ATF5: variants seen among roughly 807,000 people sequenced by gnomAD.
ATF5 encodes the protein activating transcription factor 5.
ATF5 carries 6 observed loss-of-function variants against 4.6 expected under a neutral mutation model. That is an observed-to-expected ratio of 1.31 (90% confidence interval 0.72 to 2.59). ATF5 has a LOEUF of 2.59. Ranked by LOEUF, ATF5 falls within the 30% of genes most tolerant of loss-of-function variation. The pLI, the probability that ATF5 is intolerant of heterozygous loss-of-function variation, is 0.00. For missense variants in ATF5, 410 were observed against 368.7 expected, an observed-to-expected ratio of 1.11 and a Z score of -0.92; for synonymous variants, 193 against 165.0, an observed-to-expected ratio of 1.17 and a Z score of -1.30.
rs529007673 is a variant in ATF5 at position 49,933,695 on chromosome 19, A to G, written c.*603A>G. On this transcript the variant is annotated 3_prime_UTR_variant, in exon 3 of 3. Coordinates refer to ENST00000423777, the MANE Select transcript of ATF5 (RefSeq NM_001193646.2). ...AAAGCAGGCTAGGTGACCTTGGGAC[A>G]CTACGCTAAGGGAGGGAGGCTAAAG... 3 of 153,406 alleles carry G rather than the reference A, an allele frequency of 2.0e-5. No homozygotes were observed. In the East Asian group the frequency reaches 5.8e-4, roughly 30 times the overall value. 9.5% of individuals were successfully genotyped at this position (153,406 alleles called of 1,614,324 possible).
At position 49,932,870 on chromosome 19, in the gene ATF5, C is replaced by T. The variant is rs771845805; in HGVS notation, c.627C>T (p.Asp209=). ...PYPHPATTRG[D]RKQKKRDQNK... is the part of the protein sequence containing the mutation. ...CACATCCTGCCACCACCCGAGGGGACCGCAAGCAAAAGAAGAGAGACCAGA... is the reference window on the plus strand; with the variant it reads ...CACATCCTGCCACCACCCGAGGGGATCGCAAGCAAAAGAAGAGAGACCAGA... Residue 209 remains aspartate (D), a synonymous_variant, in exon 3 of 3, where the codon GAC becomes GAT. Coordinates refer to ENST00000423777, the MANE Select transcript of ATF5 (RefSeq NM_001193646.2). The T allele has an allele frequency of 6.2e-7, 1 of 1,613,224 alleles. No individual in the cohort carries two copies. The highest frequency in any genetic ancestry group is 1.3e-5 in the African/African-American group (1 of 74,930).
intron 1 of ATF5, chr19:49,930,172 G>A (rs567112393): frequency 6.6e-6 from 1 of 152,166 alleles, no homozygotes; most frequent in Admixed American, 6.5e-5. Flanking sequence ...AATCGGGGGA[G>A]GGGCGGAGCT....
intron 2 of ATF5, 142 bp downstream of exon 2, chr19:49,931,170 C>A: frequency 1.4e-6 from 1 of 704,816 alleles, no homozygotes. Flanking sequence ...CGGCTGGGAA[C>A]AAGAAGAACA....
chr19:49,931,007 G>A lies in ATF5; in HGVS notation c.157G>A (p.Val53Met). 1 of 1,557,436 alleles carries A rather than the reference G, an allele frequency of 6.4e-7. No homozygotes were observed. The highest frequency in any genetic ancestry group is 1.2e-5 in the South Asian group (1 of 84,550). Residue 53 changes from valine to methionine, a missense_variant, in exon 2 of 3, where the codon GTG becomes ATG. By Grantham distance (21) the Val-to-Met change is conservative. Transcript: ENST00000423777. ...GGGAGCCCTGGAGGGCGGGCTTCCA[G>A]TGGGGGGAGAGCCCCTGGCAGGTAA... ...LGGALEGGLP[V>M]GGEPLAGDGF...
rs753538546 is a variant in ATF5, at chr19:49,932,695, C to T, written c.452C>T (p.Pro151Leu). ...LPLSLPSFDL[P>L]QPPVLDTLDL... ...CTGTCCCTCCCCTCCTTTGACCTCC[C>T]CCAGCCCCCTGTCTTGGATACTCTG... The change falls in exon 3 of 3, where the codon CCC becomes CTC. Residue 151 changes from proline (P) to leucine (L), a missense_variant. Transcript: ENST00000423777. 4 of 1,595,636 alleles carry T rather than the reference C, an allele frequency of 2.5e-6. No homozygotes were observed. Among genetic ancestry groups the T allele is most frequent in the Admixed American group, 3.4e-5 (2 of 58,280 alleles).
Position 49,932,963 on chromosome 19 carries a change from C to T in ATF5, c.720C>T (p.Cys240=). The T allele has an allele frequency of 2.5e-6, 4 of 1,613,990 alleles. No individual in the cohort carries two copies. The highest frequency in any genetic ancestry group is 3.4e-6 in the Non-Finnish European group (4 of 1,179,962). ...RAEGEALEGE[C]QGLEARNREL... The stretch of plus-strand genomic sequence containing the variant: ...AGGGTGAGGCCCTGGAGGGCGAGTG[C>T]CAGGGGCTGGAGGCACGGAATCGCG... Residue 240 remains cysteine (C), a synonymous_variant, in exon 3 of 3, where the codon TGC becomes TGT. Transcript: ENST00000423777.
In ATF5 at chr19:49,933,148, CCT is replaced by C; in HGVS notation, c.*57_*58del. On this transcript the variant is annotated 3_prime_UTR_variant, in exon 3 of 3. Transcript: ENST00000423777. ...TCTTCAGCTCTGGCGCCTTCATCCC[CCT>C]GCCTCTACCTTCATTCCAAACCCCT... is the stretch of plus-strand genomic sequence containing the variant. 3 of 1,475,556 alleles carry C rather than the reference CCT, an allele frequency of 2.0e-6. No homozygotes were observed. The highest frequency in any genetic ancestry group is 1.8e-6 in the Non-Finnish European group (2 of 1,105,502). The allele number at this position is 1,475,556 out of a possible 1,614,324, so 91.4% of individuals were successfully genotyped here. A position where few individuals can be genotyped will look rare whatever the true frequency, so the allele number is the denominator to read the frequency against.
intron 2 of ATF5, 56 bp from the exon 3 acceptor site, chr19:49,932,366 T>C: frequency 6.3e-7 from 1 of 1,577,496 alleles, no homozygotes; most frequent in Non-Finnish European, 8.7e-7. Flanking sequence ...AGCACCCAAC[T>C]ACGCAGAAGA....
chr19:49,931,080 G>T, intron 2 of ATF5, 52 bp downstream of exon 2: 1 of 1,405,228 alleles, frequency 7.1e-7, no homozygotes, highest in East Asian at 2.5e-5. Context: ...GGGAAGATGG[G>T]GGAGGAAGAA....
chr19:49,930,110 C>T (rs1265204308), intron 1 of ATF5: 2 of 148,670 alleles, frequency 1.3e-5, no homozygotes, highest in Non-Finnish European at 1.5e-5. Flanking sequence ...CTAAACCAAC[C>T]GTTAGTTGAG....
intron 2 of ATF5, among the ~76,000 whole-genome samples, chr19:49,932,119 TTGAC>T (rs764275951): frequency 1.8e-3 from 271 of 152,142 alleles, no homozygotes; most frequent in Non-Finnish European, 3.0e-3. Context: ...GATTGGTTGG[TTGAC>T]TGATTTATTT....
intron 1 of ATF5, 26 bp from the exon 2 acceptor site, chr19:49,930,706 C>T: frequency 3.2e-6 from 2 of 628,994 alleles, no homozygotes; most frequent in South Asian, 5.1e-5. Flanking sequence ...GTCCTGACCA[C>T]ACCCACTCTT....
At chr19:49,929,030 G>T (rs531169565), upstream of ATF5, 3 of 152,458 alleles carry the variant, frequency 2.0e-5, no homozygotes, top group African/African-American at 7.2e-5. Flanking sequence ...CTGAGAGGGA[G>T]GAGGGTCCCG....
At position 49,931,023 on chromosome 19, in the gene ATF5, T is replaced by A; in HGVS notation, c.173T>A (p.Leu58Gln). Residue 58 changes from leucine to glutamine, a missense_variant, in exon 2 of 3, where the codon CTG becomes CAG. By Grantham distance (113) the Leu-to-Gln change is moderately radical. Transcript: ENST00000423777. Reference protein sequence around the residue: ...EGGLPVGGEPLAGDGFSDWMT... With the variant: ...EGGLPVGGEPQAGDGFSDWMT... ...GGGCTTCCAGTGGGGGGAGAGCCCCTGGCAGGTAAGGGCAGGTGGAAGGTG... is the reference window on the plus strand; with the variant it reads ...GGGCTTCCAGTGGGGGGAGAGCCCCAGGCAGGTAAGGGCAGGTGGAAGGTG... The A allele has an allele frequency of 6.5e-7, 1 of 1,539,102 alleles. No homozygotes were observed. Among genetic ancestry groups the A allele is most frequent in the Admixed American group, 2.1e-5 (1 of 47,796 alleles).
chr19:49,929,055 G>A (rs549695089), upstream of ATF5: 1 of 152,406 alleles, frequency 6.6e-6, no homozygotes, highest in East Asian at 1.9e-4. Context: ...CTAGGAGTGG[G>A]AAGGAAAGGC....
Position 49,932,652 on chromosome 19 carries a change from C to A in ATF5, c.409C>A (p.Pro137Thr). The change falls in exon 3 of 3, where the codon CCA becomes ACA. Residue 137 changes from proline (P) to threonine (T), a missense_variant. Transcript: ENST00000423777. Reference protein sequence around the residue: ...PPPLPPPPLPPAPSLPLSLPS... With the variant: ...PPPLPPPPLPTAPSLPLSLPS... Reference sequence around the variant, plus strand: ...GCCACTACCACCACCACCACTACCACCAGCCCCCTCCCTCCCCCTGTCCCT... The same window carrying A: ...GCCACTACCACCACCACCACTACCAACAGCCCCCTCCCTCCCCCTGTCCCT... The A allele has an allele frequency of 6.6e-7, 1 of 1,520,344 alleles. No individual in the cohort carries two copies. Among genetic ancestry groups the A allele is most frequent in the Non-Finnish European group, 8.9e-7 (1 of 1,123,732 alleles). 94.2% of individuals were successfully genotyped at this position (1,520,344 alleles called of 1,614,324 possible).
rs1312102063 is a variant in ATF5 at position 49,932,801 on chromosome 19, C to G, written c.558C>G (p.Pro186=). The change falls in exon 3 of 3, where the codon CCC becomes CCG. Residue 186 remains proline, a synonymous_variant. Transcript: ENST00000423777. ...CGCCTCTGCCCCCGCCACAGCAGCC[C>G]CCTCCTCCTTCTCCACCTCAACCTT... ...GMPPLPPPQQ[P]PPPSPPQPSR... is the part of the protein sequence containing the mutation. The G allele has an allele frequency of 1.2e-6, 2 of 1,608,670 alleles. No homozygotes were observed. Among genetic ancestry groups the G allele is most frequent in the South Asian group, 2.2e-5 (2 of 90,136 alleles).
Position 49,931,972 on chromosome 19 carries a change from ATTGG to A in ATF5, c.179-441_179-438del, listed in dbSNP as rs1453346959. 2.0e-4 allele frequency among the ~76,000 whole-genome samples: 30 copies of A among 151,824 alleles called. 1 individual carries two copies. The highest frequency in any genetic ancestry group is 1.7e-3 in the Admixed American group (26 of 15,190). ...TGCTTGGTTGACTGTTGCTTGAGTCATTGGTTGGTTGGCTGGTTCTTTTTTTCTT... is the reference window on the plus strand; with the variant it reads ...TGCTTGGTTGACTGTTGCTTGAGTCATTGGTTGGCTGGTTCTTTTTTTCTT... On this transcript the variant is annotated intron_variant, in intron 2 of 2. Transcript: ENST00000423777.
In ATF5 at chr19:49,933,213, C is replaced by T; in HGVS notation, c.*121C>T. 4 of 1,132,924 alleles carry T rather than the reference C, an allele frequency of 3.5e-6. No homozygotes were observed. The highest frequency in any genetic ancestry group is 2.6e-5 in the East Asian group (1 of 37,858). The allele number at this position is 1,132,924 out of a possible 1,614,324, so 70.2% of individuals were successfully genotyped here. A position where few individuals can be genotyped will look rare whatever the true frequency, so the allele number is the denominator to read the frequency against. The stretch of plus-strand genomic sequence containing the variant: ...CAGTGGCTTATGCTTGTAATCCCAG[C>T]ACTTTGGGAGGCCAAGGCAGGAGGA... On this transcript the variant is annotated 3_prime_UTR_variant, in exon 3 of 3. Coordinates refer to ENST00000423777, the MANE Select transcript of ATF5 (RefSeq NM_001193646.2).
Sources: allele counts gnomAD v4.1 joint callset (sites outside exome capture counted in the v4.1 genomes callset), GRCh38; gene constraint gnomAD v4.1.1; transcripts MANE v1.5; gene names NCBI Gene and HGNC (gene_info 2026-07-23, HGNC 2026-07-21).